The following WDHD1 variants were observed in gnomAD, a reference collection of about 807,000 sequenced individuals.
The protein encoded by WDHD1 is WD repeat and HMG-box DNA binding protein 1.
A neutral mutation model predicts 135.4 loss-of-function variants in WDHD1; 111 were observed. The ratio of observed to expected loss-of-function variants is 0.82; its 90% CI spans 0.70 to 0.96. The LOEUF (loss-of-function observed/expected upper bound fraction) is 0.96, where lower values mean the gene tolerates loss of function less well. WDHD1 is among the 40% of genes least tolerant of loss of function. WDHD1 has a pLI of 0.00. For missense variants in WDHD1, 1,351 were observed against 1,336.3 expected, an observed-to-expected ratio of 1.01 and a Z score of -0.17; for synonymous variants, 434 against 439.0, an observed-to-expected ratio of 0.99 and a Z score of 0.14.
At chr14:55,005,436 T>A in intron 7 of WDHD1, 1 of 569,930 alleles carries the variant, frequency 1.8e-6, no homozygotes, top group Non-Finnish European at 3.4e-6. Flanking sequence ...AGCATGGCCT[T>A]CGGACCAGTA....
Position 55,002,116 on chromosome 14 carries a change from G to C in WDHD1, c.670C>G (p.Leu224Val). ...RRESWSHQFD[L>V]SDNFISQTLN... is the part of the protein sequence containing the mutation. ...ACCTGAGAGATGAAATTATCTGAAAGATCAAATTGATGACTCCAAGATTCT... is the reference window on the plus strand; with the variant it reads ...ACCTGAGAGATGAAATTATCTGAAACATCAAATTGATGACTCCAAGATTCT... The change falls in exon 8 of 26, where the codon CTT (leucine) becomes GTT (valine). Residue 224 changes from leucine (L) to valine (V), a missense_variant. Around this residue, in one of 2 missense-constraint regions of WDHD1, gnomAD observed 1,330 missense variants for 1,296.1 expected, o/e 1.03. Transcript: ENST00000360586. 6.2e-7 allele frequency: 1 copy of C among 1,606,994 alleles called. No individual in the cohort carries two copies. Among genetic ancestry groups the C allele is most frequent in the South Asian group, 1.1e-5 (1 of 89,582 alleles).
rs188288978 is a variant in WDHD1, at chr14:55,011,395, G to T, written c.190-935C>A. Among the ~76,000 whole-genome samples, 291 of 151,950 alleles carry T rather than the reference G, an allele frequency of 1.9e-3. 3 individuals carry two copies. The highest frequency in any genetic ancestry group is 2.5e-3 in the Non-Finnish European group (171 of 67,926). ...AATTACAAAAAAATTAGCCAGGCAT[G>T]GTGGTGGGCAGCCAGCTGTTTGGGA... On this transcript the variant is annotated intron_variant, in intron 3 of 25. Transcript: ENST00000360586.
intron 25 of WDHD1, among the ~76,000 whole-genome samples, chr14:54,942,541 C>T (rs998649335): frequency 6.6e-6 from 1 of 152,126 alleles, no homozygotes; most frequent in Non-Finnish European, 1.5e-5. Flanking sequence ...AGAACCTCTT[C>T]CCCAAGCCCC....
At chr14:54,960,222 C>A (rs545103953) in intron 21 of WDHD1, among the ~76,000 whole-genome samples, 3 of 152,266 alleles carry the variant, frequency 2.0e-5, no homozygotes, top group Non-Finnish European at 4.4e-5. Flanking sequence ...GGCTGGAGTG[C>A]GGTGGTATGA....
At chr14:54,969,980 C>G (rs1434156874) in intron 16 of WDHD1, among the ~76,000 whole-genome samples, 1 of 152,146 alleles carries the variant, frequency 6.6e-6, no homozygotes, top group East Asian at 1.9e-4. Flanking sequence ...GCAGAAAAAG[C>G]TTTCGATAAA....
intron 8 of WDHD1, 34 bp from the exon 9 acceptor site, chr14:55,001,026 T>G (rs747435948): frequency 1.5e-6 from 2 of 1,371,228 alleles, no homozygotes; most frequent in East Asian, 5.1e-5. Flanking sequence ...ATAATGATTT[T>G]GTAAAATTTC....
At chr14:54,959,573 G>A (rs1398117572) in intron 21 of WDHD1, among the ~76,000 whole-genome samples, 6 of 151,960 alleles carry the variant, frequency 3.9e-5, no homozygotes, top group African/African-American at 7.3e-5. Flanking sequence ...GACCAGCTTC[G>A]GCAACAAAGC....
chr14:55,012,341 T>C (rs2042184309), intron 3 of WDHD1, among the ~76,000 whole-genome samples: 2 of 152,194 alleles, frequency 1.3e-5, no homozygotes, highest in Non-Finnish European at 2.9e-5. Flanking sequence ...CTAAACACAA[T>C]ACACTCAAGT....
intron 11 of WDHD1, among the ~76,000 whole-genome samples, chr14:54,992,650 C>G (rs1190225278): frequency 6.6e-6 from 1 of 152,166 alleles, no homozygotes. Context: ...TGCTGTGACT[C>G]ACGCTTGTAA....
chr14:55,000,653 TA>T lies in WDHD1; in HGVS notation c.801-10del. 1.3e-6 allele frequency: 2 copies of T among 1,527,318 alleles called. No individual in the cohort carries two copies. The highest frequency in any genetic ancestry group is 2.7e-5 in the South Asian group (2 of 72,946). 94.6% of individuals were successfully genotyped at this position (1,527,318 alleles called of 1,614,324 possible). A position where few individuals can be genotyped will look rare whatever the true frequency, so the allele number is the denominator to read the frequency against. On this transcript the variant is annotated splice_polypyrimidine_tract_variant and intron_variant, in intron 9 of 25. Transcript: ENST00000360586. ...CTTTCTCATGTTTCACCCTAAAAAT[TA>T]AAAAGTAGGTTCTAAAAATACTGTC...
At chr14:54,942,965 T>C (rs1031313062) in intron 25 of WDHD1, among the ~76,000 whole-genome samples, 3 of 152,160 alleles carry the variant, frequency 2.0e-5, no homozygotes, top group African/African-American at 7.2e-5. Flanking sequence ...ATGAGAAACA[T>C]AAAATTGTAA....
At chr14:54,994,336 C>T (rs1488969749) in intron 11 of WDHD1, among the ~76,000 whole-genome samples, 1 of 152,012 alleles carries the variant, frequency 6.6e-6, no homozygotes. Flanking sequence ...CATAATATTG[C>T]CATTATGCCT....
intron 22 of WDHD1, 55 bp from the exon 23 acceptor site, chr14:54,957,259 C>T (rs997216225): frequency 2.6e-6 from 4 of 1,524,950 alleles, no homozygotes; most frequent in East Asian, 2.3e-5. Context: ...AATAAAATCC[C>T]AAGAGACTTA....
Position 55,008,364 on chromosome 14 carries a change from T to C in WDHD1, c.456A>G (p.Ala152=). The C allele has an allele frequency of 6.2e-7, 1 of 1,613,626 alleles. No homozygotes were observed. Among genetic ancestry groups the C allele is most frequent in the Non-Finnish European group, 8.5e-7 (1 of 1,179,770 alleles). The change falls in exon 6 of 26, where the codon GCA becomes GCG. Residue 152 remains alanine, a splice_region_variant and synonymous_variant. Transcript: ENST00000360586. Reference sequence around the variant, plus strand: ...TGACAGATCCATCACAACTAGCTGATGCCTGCAGGAATAAACAATACATTT... The same window carrying C: ...TGACAGATCCATCACAACTAGCTGACGCCTGCAGGAATAAACAATACATTT... ...LSFDPKDIFL[A]SASCDGSVRV... is the part of the protein sequence containing the mutation.
At chr14:55,026,136 G>T (rs867256904) in intron 2 of WDHD1, among the ~76,000 whole-genome samples, 4 of 152,116 alleles carry the variant, frequency 2.6e-5, no homozygotes. Context: ...GTAGTCCCCA[G>T]CAAAAGAGAC....
intron 16 of WDHD1, among the ~76,000 whole-genome samples, chr14:54,977,463 G>C (rs1022953581): frequency 6.6e-6 from 1 of 152,172 alleles, no homozygotes. Context: ...CACTTTGGGA[G>C]GCCAAGGTGG....
intron 4 of WDHD1, 124 bp from the exon 5 acceptor site, chr14:55,008,843 C>G: frequency 1.4e-6 from 1 of 705,930 alleles, no homozygotes; most frequent in Admixed American, 3.2e-5. Flanking sequence ...CTCTGTCACC[C>G]AGGCTGGAGT....
chr14:54,974,609 T>A (rs1390052217), intron 16 of WDHD1, among the ~76,000 whole-genome samples: 1 of 151,782 alleles, frequency 6.6e-6, no homozygotes, highest in Non-Finnish European at 1.5e-5. Flanking sequence ...GCAGATCACC[T>A]GAGCTCTGGA....
At chr14:54,956,139 T>TA (rs2041155739) in intron 23 of WDHD1, among the ~76,000 whole-genome samples, 1 of 152,088 alleles carries the variant, frequency 6.6e-6, no homozygotes, top group Non-Finnish European at 1.5e-5. Flanking sequence ...TACCAATGAC[T>TA]AATCCGGGAT....
Sources: gnomAD v4.1 joint callset for allele counts (sites outside exome capture counted in the v4.1 genomes callset) on GRCh38, gnomAD v4.1.1 for gene constraint, gnomAD v4.1.1 regional missense constraint, MANE v1.5 for transcripts, NCBI Gene and HGNC (gene_info 2026-07-23, HGNC 2026-07-21) for gene names.